CSMD1: variants seen among roughly 807,000 people sequenced by gnomAD.
The protein encoded by CSMD1 is CUB and Sushi multiple domains 1, also known as CUB and sushi domain-containing protein 1.
In CSMD1, 213 loss-of-function variants were observed where a neutral mutation model predicts 417.5. That is an observed-to-expected ratio of 0.51 (90% CI 0.46 to 0.57). The LOEUF (loss-of-function observed/expected upper bound fraction) is 0.57. Ranked by LOEUF, CSMD1 falls within the 20% of genes least tolerant of loss-of-function variation. The pLI is 0.00. For missense variants in CSMD1, 6,923 were observed against 4,529.7 expected (o/e 1.53, Z -15.17); for synonymous variants, 2,862 against 1,736.8 (o/e 1.65, Z -16.11).
chr8:3,366,394 T>G (rs1809568626), intron 20 of CSMD1, among the ~76,000 whole-genome samples: 1 of 152,142 alleles, frequency 6.6e-6, no homozygotes, highest in Non-Finnish European at 1.5e-5. Context: ...TAGAAAAAAT[T>G]AGCATCTCTG....
intron 5 of CSMD1, among the ~76,000 whole-genome samples, chr8:3,961,050 T>C (rs1479801181): frequency 6.6e-6 from 1 of 152,066 alleles, no homozygotes; most frequent in African/African-American, 2.4e-5. Flanking sequence ...AAAAGATAAT[T>C]CAGAAATCAA....
chr8:4,506,784 A>T (rs1301909507), intron 2 of CSMD1, among the ~76,000 whole-genome samples: 1 of 152,196 alleles, frequency 6.6e-6, no homozygotes, highest in Non-Finnish European at 1.5e-5. Context: ...TTTTCCTGAA[A>T]GAGCCACCTC....
intron 5 of CSMD1, among the ~76,000 whole-genome samples, chr8:3,854,579 C>T (rs188382960): frequency 1.3e-5 from 2 of 152,028 alleles, no homozygotes; most frequent in Non-Finnish European, 2.9e-5. Flanking sequence ...TCTCCCTGCA[C>T]TGGAACTCCC....
intron 2 of CSMD1, among the ~76,000 whole-genome samples, chr8:4,507,694 A>T (rs1435892496): frequency 6.6e-6 from 1 of 152,162 alleles, no homozygotes; most frequent in Non-Finnish European, 1.5e-5. Flanking sequence ...ATAAATACTC[A>T]CCAGGCTGAA....
At chr8:4,603,693 T>G (rs1800714055) in intron 2 of CSMD1, among the ~76,000 whole-genome samples, 1 of 152,164 alleles carries the variant, frequency 6.6e-6, no homozygotes, top group South Asian at 2.1e-4. Context: ...ACAGTGATTT[T>G]CTTTCACTTC....
chr8:3,809,779 G>C (rs962319457), intron 5 of CSMD1, among the ~76,000 whole-genome samples: 2 of 152,114 alleles, frequency 1.3e-5, no homozygotes, highest in Non-Finnish European at 2.9e-5. Context: ...TATTAGAATG[G>C]GGGGTTCTAT....
intron 6 of CSMD1, among the ~76,000 whole-genome samples, chr8:3,743,215 C>CT (rs1251321675): frequency 1.3e-5 from 2 of 152,174 alleles, no homozygotes; most frequent in East Asian, 1.9e-4. Context: ...GTGTTCTGCC[C>CT]TTTTTTTGTG....
At chr8:3,463,759 A>G (rs1816647710) in intron 12 of CSMD1, among the ~76,000 whole-genome samples, 1 of 152,290 alleles carries the variant, frequency 6.6e-6, no homozygotes, top group South Asian at 2.1e-4. Context: ...GACGAGAAGC[A>G]CCTTCAAGAT....
intron 2 of CSMD1, among the ~76,000 whole-genome samples, chr8:4,537,695 G>C (rs945457950): frequency 1.3e-5 from 2 of 152,224 alleles, no homozygotes; most frequent in East Asian, 3.9e-4. Flanking sequence ...ATCAGGGTGT[G>C]CTCAGACAAA....
intron 3 of CSMD1, among the ~76,000 whole-genome samples, chr8:4,190,186 G>C (rs994426261): frequency 1.5e-4 from 22 of 150,562 alleles, no homozygotes; most frequent in Admixed American, 5.3e-4. Context: ...GTGAACCTGG[G>C]AGGTGGAGCT....
chr8:4,085,371 G>A (rs1373235878), intron 3 of CSMD1, among the ~76,000 whole-genome samples: 1 of 152,140 alleles, frequency 6.6e-6, no homozygotes, highest in African/African-American at 2.4e-5. Flanking sequence ...AAAGGAAAAA[G>A]AAGCTATATT....
chr8:3,350,979 G>T (rs1449080071), intron 21 of CSMD1, among the ~76,000 whole-genome samples: 1 of 152,122 alleles, frequency 6.6e-6, no homozygotes, highest in African/African-American at 2.4e-5. Flanking sequence ...AGACAATGCT[G>T]CTGCTTTGCC....
intron 51 of CSMD1, among the ~76,000 whole-genome samples, chr8:3,024,888 G>T (rs184859234): frequency 6.6e-6 from 1 of 152,236 alleles, no homozygotes; most frequent in Non-Finnish European, 1.5e-5. Context: ...CAAGACAACT[G>T]TTGTTCGTAC....
At chr8:4,006,063 CT>C (rs1816085129) in intron 4 of CSMD1, among the ~76,000 whole-genome samples, 2 of 152,114 alleles carry the variant, frequency 1.3e-5, no homozygotes, top group East Asian at 3.9e-4. Context: ...AAGGAATGAG[CT>C]GGAGGAAGAG....
intron 1 of CSMD1, among the ~76,000 whole-genome samples, chr8:4,817,983 C>A (rs374115073): frequency 3.9e-5 from 6 of 152,118 alleles, no homozygotes; most frequent in East Asian, 3.9e-4. Flanking sequence ...TTAAATTTCA[C>A]ATTGAGGTAT....
intron 3 of CSMD1, among the ~76,000 whole-genome samples, chr8:4,073,369 G>C (rs940086742): frequency 1.3e-5 from 2 of 152,078 alleles, no homozygotes; most frequent in African/African-American, 4.8e-5. Flanking sequence ...GAGCAAGGTC[G>C]TACTTAATGA....
At chr8:3,179,615 T>C (rs1305315248) in intron 37 of CSMD1, among the ~76,000 whole-genome samples, 2 of 152,178 alleles carry the variant, frequency 1.3e-5, no homozygotes, top group African/African-American at 4.8e-5. Flanking sequence ...CTAGCCCCTC[T>C]TTCCAAGACA....
At chr8:4,156,846 G>GC (rs1796863102) in intron 3 of CSMD1, among the ~76,000 whole-genome samples, 1 of 151,498 alleles carries the variant, frequency 6.6e-6, no homozygotes. Flanking sequence ...TCACAGGGAG[G>GC]CTTTTTAATT....
chr8:4,400,761 G>GTTTT (rs11439463), intron 3 of CSMD1, among the ~76,000 whole-genome samples: 30 of 139,522 alleles, frequency 2.2e-4, no homozygotes, highest in African/African-American at 7.3e-4. Flanking sequence ...ATACAGATCA[G>GTTTT]TTTTTTTTTT....
Sources: gnomAD v4.1 joint callset for allele counts (sites outside exome capture counted in the v4.1 genomes callset) on GRCh38, gnomAD v4.1.1 for gene constraint, MANE v1.5 for transcripts, NCBI Gene and HGNC (gene_info 2026-07-23, HGNC 2026-07-21) for gene names.